OAT: variants seen among roughly 807,000 people sequenced by gnomAD.
OAT encodes ornithine aminotransferase.
Under a neutral mutation model 48.4 loss-of-function variants are expected in OAT, and 35 were observed. That is an observed-to-expected ratio of 0.72 (90% confidence interval 0.55 to 0.96). The LOEUF (loss-of-function observed/expected upper bound fraction) is 0.96, where lower values mean the gene tolerates loss of function less well. Ranked by LOEUF, OAT falls within the 40% of genes least tolerant of loss-of-function variation. The probability of loss-of-function intolerance (pLI) is 0.00; values close to 1 mark genes in which losing one functional copy is unlikely to be tolerated. For missense variants in OAT, 438 were observed against 537.9 expected (o/e 0.81, Z 1.84); for synonymous variants, 182 against 198.4 (o/e 0.92, Z 0.70).
rs574662546 is a variant in OAT at position 124,398,209 on chromosome 10, G to A, written c.1160-107C>T. On this transcript the variant is annotated intron_variant, in intron 9 of 9. Transcript: ENST00000368845. ...TGGCAAAACAAAATTAACAGAACTTGCTCAACTAAGGGAAGCTTGGGCTGG... is the reference window on the plus strand; with the variant it reads ...TGGCAAAACAAAATTAACAGAACTTACTCAACTAAGGGAAGCTTGGGCTGG... 295 of 1,265,320 alleles carry A rather than the reference G, an allele frequency of 2.3e-4. 1 individual carries two copies. In the South Asian group the frequency reaches 2.9e-3, roughly 13 times the overall value. The allele number at this position is 1,265,320 out of a possible 1,614,324, so 78.4% of individuals were successfully genotyped here. A position where few individuals can be genotyped will look rare whatever the true frequency, so the allele number is the denominator to read the frequency against.
intron 1 of OAT, among the ~76,000 whole-genome samples, chr10:124,417,321 G>A (rs1259566347): frequency 8.4e-6 from 1 of 118,638 alleles, no homozygotes; most frequent in Non-Finnish European, 1.6e-5. Context: ...GACGGAGTCT[G>A]TCGCCCAGGC....
At chr10:124,408,331 ATATATATATATATTTTT>A (rs1356579287) in intron 4 of OAT, among the ~76,000 whole-genome samples, 194 bp downstream of exon 4, 2 of 92,146 alleles carry the variant, frequency 2.2e-5, no homozygotes, top group East Asian at 6.2e-4. Context: ...ATATATATAT[ATATATATATATATTTTT>A]TTTTTTTTTT....
rs113532454 is a variant in OAT at position 124,403,790 on chromosome 10, G to A, written c.771+8C>T. ...TTCAGCCTTATCACAAACAGCTAAC[G>A]TGACAACCTGGTGCCTGGTGCAGAG... On this transcript the variant is annotated splice_region_variant and intron_variant, in intron 6 of 9. Coordinates refer to ENST00000368845, the MANE Select transcript of OAT (RefSeq NM_000274.4). 8.1e-6 allele frequency: 13 copies of A among 1,614,064 alleles called. No homozygotes were observed. Among genetic ancestry groups the A allele is most frequent in the East Asian group, 4.5e-5 (2 of 44,880 alleles).
At chr10:124,418,686 C>T (rs910455984) in intron 1 of OAT, among the ~76,000 whole-genome samples, 187 bp downstream of exon 1, 23 of 151,900 alleles carry the variant, frequency 1.5e-4, no homozygotes, top group African/African-American at 5.1e-4. Flanking sequence ...GTCCGAGCCG[C>T]CCGCAGAGTA....
At chr10:124,403,119 C>T (rs1251940784) in intron 6 of OAT, 64 bp from the exon 7 acceptor site, 1 of 1,555,120 alleles carries the variant, frequency 6.4e-7, no homozygotes, top group Admixed American at 1.7e-5. Context: ...AAATAGCCAT[C>T]CTTATTTCAC....
chr10:124,398,212 C>A, intron 9 of OAT, 110 bp from the exon 10 acceptor site: 1 of 1,242,678 alleles, frequency 8.0e-7, no homozygotes, highest in Non-Finnish European at 1.2e-6. Flanking sequence ...AGAACTTGCT[C>A]AACTAAGGGA....
intron 4 of OAT, 135 bp downstream of exon 4, chr10:124,408,406 GA>G: frequency 1.7e-6 from 1 of 582,738 alleles, no homozygotes; most frequent in Non-Finnish European, 3.1e-6. Flanking sequence ...GGCTGGTCTT[GA>G]ACTCCAGGGC....
At chr10:124,408,315 G>GTA (rs1951646442) in intron 4 of OAT, among the ~76,000 whole-genome samples, 6 of 65,684 alleles carry the variant, frequency 9.1e-5, no homozygotes, top group Admixed American at 3.5e-4. Flanking sequence ...GTGTGTGTGT[G>GTA]TGTATATATA....
chr10:124,400,142 C>T (rs1477312770), intron 9 of OAT, among the ~76,000 whole-genome samples: 3 of 152,112 alleles, frequency 2.0e-5, no homozygotes, highest in Admixed American at 1.3e-4. Context: ...CAGAACATCC[C>T]AACACCCAAT....
intron 9 of OAT, among the ~76,000 whole-genome samples, chr10:124,398,583 T>C (rs1473739481): frequency 6.6e-6 from 1 of 151,730 alleles, no homozygotes; most frequent in Non-Finnish European, 1.5e-5. Context: ...CTCTTCACTT[T>C]TCAGCAAGCA....
intron 1 of OAT, among the ~76,000 whole-genome samples, chr10:124,414,792 CT>C (rs139269920): frequency 1.5e-3 from 222 of 152,176 alleles, no homozygotes; most frequent in Middle Eastern, 6.8e-3. Flanking sequence ...ACCGTAACAA[CT>C]TTCTAGGGCC....
intron 4 of OAT, chr10:124,406,296 G>A (rs1178758563): frequency 5.6e-6 from 1 of 177,068 alleles, no homozygotes; most frequent in African/African-American, 2.4e-5. Context: ...TTCAAGACCA[G>A]CCTGGCCAAC....
chr10:124,416,866 TAAAAA>T (rs5788661), intron 1 of OAT, among the ~76,000 whole-genome samples: 26 of 144,384 alleles, frequency 1.8e-4, no homozygotes, highest in Admixed American at 2.1e-4. Flanking sequence ...TACAGGCCTT[TAAAAA>T]AAAAAAAAAA....
Position 124,412,025 on chromosome 10 carries a change from C to CTT in OAT, c.145_146dup (p.Tyr50SerfsTer12). On this transcript the variant is annotated frameshift_variant, in exon 2 of 10. Transcript: ENST00000368845. LOFTEE classifies it high-confidence loss of function. Reference sequence around the variant, plus strand: ...AAGGATGGTAGTTGTGTGCACCATACTTATATTCCCTTTCAAAAATGTCAT... The same window carrying CTT: ...AAGGATGGTAGTTGTGTGCACCATACTTTTATATTCCCTTTCAAAAATGTCAT... 2 of 1,614,184 alleles carry CTT rather than the reference C, an allele frequency of 1.2e-6. No individual in the cohort carries two copies. Among genetic ancestry groups the CTT allele is most frequent in the Non-Finnish European group, 8.5e-7 (1 of 1,180,030 alleles).
chr10:124,398,812 C>T (rs535603729), intron 9 of OAT, among the ~76,000 whole-genome samples: 5 of 151,804 alleles, frequency 3.3e-5, no homozygotes, highest in African/African-American at 1.2e-4. Context: ...GTCAAGAGAT[C>T]GAGACCATCC....
At chr10:124,406,411 A>G (rs1279121494) in intron 4 of OAT, among the ~76,000 whole-genome samples, 2 of 152,122 alleles carry the variant, frequency 1.3e-5, no homozygotes, top group East Asian at 3.9e-4. Flanking sequence ...GAATCGCTTG[A>G]ACCCAGGAAG....
At chr10:124,405,932 A>G in intron 4 of OAT, 1 of 1,148,436 alleles carries the variant, frequency 8.7e-7, no homozygotes, top group Non-Finnish European at 1.1e-6. Flanking sequence ...TGCATTTATG[A>G]TAGTGATATG....
At chr10:124,407,411 CA>C in intron 4 of OAT, 1 of 984,962 alleles carries the variant, frequency 1.0e-6, no homozygotes, top group Non-Finnish European at 1.2e-6. Flanking sequence ...AGAGACTGGA[CA>C]CAGTCTATAA....
chr10:124,400,890 G>A lies in OAT; in HGVS notation c.1109C>T (p.Ala370Val), dbSNP rs746131369. The A allele has an allele frequency of 6.2e-7, 1 of 1,605,742 alleles. No individual in the cohort carries two copies. Among genetic ancestry groups the A allele is most frequent in the South Asian group, 1.1e-5 (1 of 90,772 alleles). The change falls in exon 9 of 10, where the codon GCC (alanine) becomes GTC (valine). Residue 370 changes from alanine to valine, a missense_variant. Coordinates refer to ENST00000368845, the MANE Select transcript of OAT (RefSeq NM_000274.4). ...LMKLPSDVVTAVRGKGLLNAI... is the reference protein window; with the variant it reads ...LMKLPSDVVTVVRGKGLLNAI... ...GTTTAATAATCCTTTTCCTCTTACG[G>A]CAGTTACAACATCAGAAGGTAGCTT...
Sources: allele counts gnomAD v4.1 joint callset (sites outside exome capture counted in the v4.1 genomes callset), GRCh38; gene constraint gnomAD v4.1.1; transcripts MANE v1.5; gene names NCBI Gene and HGNC (gene_info 2026-07-23, HGNC 2026-07-21).